The following SNAPIN variants were observed in gnomAD, a reference collection of about 807,000 sequenced individuals.
SNAPIN encodes the protein SNAP associated protein.
Under a neutral mutation model 15.9 loss-of-function variants are expected in SNAPIN, and 16 were observed. That is an observed-to-expected ratio of 1.01 (90% CI 0.68 to 1.53). The LOEUF (loss-of-function observed/expected upper bound fraction) is 1.53, where lower values mean the gene tolerates loss of function less well. Ranked by LOEUF, SNAPIN falls within the 40% of genes most tolerant of loss-of-function variation. The pLI is 0.00. For synonymous variants in SNAPIN, 83 were observed against 76.2 expected, an observed-to-expected ratio of 1.09 and a Z score of -0.46; for missense variants, 186 against 180.1, an observed-to-expected ratio of 1.03 and a Z score of -0.19.
At chr1:153,659,795 G>A (rs1185273346) in intron 3 of SNAPIN, among the ~76,000 whole-genome samples, 2 of 151,890 alleles carry the variant, frequency 1.3e-5, no homozygotes, top group Non-Finnish European at 1.5e-5. Context: ...GCTGGAGTGC[G>A]GTGGCTCAAT....
chr1:153,660,786 A>ATTT (rs34770483), intron 3 of SNAPIN, among the ~76,000 whole-genome samples: 2 of 137,568 alleles, frequency 1.5e-5, no homozygotes, highest in Admixed American at 7.4e-5. Flanking sequence ...CCTGGCCTAC[A>ATTT]TTTTTTTTTT....
In SNAPIN at chr1:153,658,709, C is replaced by G; in HGVS notation, c.-35C>G. ...GGCGCGGCTCCGGTTCCCGGCGGCC[C>G]TCGCGGCAGGTTTCGGGCTTCAGGA... On this transcript the variant is annotated 5_prime_UTR_variant, in exon 1 of 4. Transcript: ENST00000368685. The G allele has an allele frequency of 6.7e-7, 1 of 1,494,746 alleles. No individual in the cohort carries two copies. The highest frequency in any genetic ancestry group is 1.4e-5 in the South Asian group (1 of 71,680). The allele number at this position is 1,494,746 out of a possible 1,614,324, so 92.6% of individuals were successfully genotyped here. A position where few individuals can be genotyped will look rare whatever the true frequency, so the allele number is the denominator to read the frequency against.
At chr1:153,658,672 G>A, upstream of SNAPIN, 5 of 1,446,010 alleles carry the variant, frequency 3.5e-6, no homozygotes, top group Non-Finnish European at 3.6e-6. Flanking sequence ...CCCTCACGGG[G>A]CGGGGCAGTG....
rs199744956 is a variant in SNAPIN, at chr1:153,661,323, T to C, written c.*22T>C. 67 of 1,557,750 alleles carry C rather than the reference T, an allele frequency of 4.3e-5. No homozygotes were observed. The East Asian group carries it at 1.5e-3, about 34-fold the overall frequency. ...ATAACAGATGAGCCTATGGACTCAG[T>C]AGCACAAGTACTGTTCCCCAGCTGC... On this transcript the variant is annotated 3_prime_UTR_variant, in exon 4 of 4. Transcript: ENST00000368685.
chr1:153,659,827 C>A (rs764396492), intron 3 of SNAPIN, among the ~76,000 whole-genome samples: 1 of 152,022 alleles, frequency 6.6e-6, no homozygotes, highest in African/African-American at 2.4e-5. Flanking sequence ...GCAACCTCCG[C>A]CCCCTGGGCT....
At chr1:153,660,160 C>T (rs1159964365) in intron 3 of SNAPIN, among the ~76,000 whole-genome samples, 1 of 151,976 alleles carries the variant, frequency 6.6e-6, no homozygotes, top group African/African-American at 2.4e-5. Context: ...GTAGCTGGGA[C>T]TACAGGCATG....
Position 153,661,280 on chromosome 1 carries a change from C to T in SNAPIN, c.390C>T (p.Pro130=), listed in dbSNP as rs1310150311. 4 of 1,613,276 alleles carry T rather than the reference C, an allele frequency of 2.5e-6. No individual in the cohort carries two copies. The African/African-American group carries it at 4.0e-5, about 16-fold the overall frequency. The change falls in exon 4 of 4, where the codon CCC becomes CCT. Residue 130 remains proline, a synonymous_variant. Coordinates refer to ENST00000368685, the MANE Select transcript of SNAPIN (RefSeq NM_012437.6). Reference sequence around the variant, plus strand: ...CAATGCTGGATTCGGGAATTTACCCCCCTGGCTCCCCAGGCAAATAACAGA... The same window carrying T: ...CAATGCTGGATTCGGGAATTTACCCTCCTGGCTCCCCAGGCAAATAACAGA... The part of the protein sequence containing the change: ...RRAMLDSGIY[P]PGSPGK
intron 2 of SNAPIN, 68 bp from the exon 3 acceptor site, chr1:153,659,380 C>G (rs1209496956): frequency 3.6e-6 from 5 of 1,381,862 alleles, no homozygotes; most frequent in Non-Finnish European, 5.2e-6. Context: ...ATCCCATTAC[C>G]AGCCTGCTTT....
intron 1 of SNAPIN, 24 bp downstream of exon 1, chr1:153,658,910 C>G (rs1181192669): frequency 9.9e-6 from 16 of 1,608,222 alleles, no homozygotes; most frequent in Non-Finnish European, 1.4e-5. Flanking sequence ...AAGTTGGGGG[C>G]GGGGCCTGTC....
chr1:153,658,935 G>T lies in SNAPIN; in HGVS notation c.143+49G>T, dbSNP rs567720527. 12 of 1,601,566 alleles carry T rather than the reference G, an allele frequency of 7.5e-6. No homozygotes were observed. The African/African-American group carries it at 1.2e-4, about 16-fold the overall frequency. ...CGGGGCCTGTCTCTCTGGCTTTGTA[G>T]GGGCGGGGCCAAGAAAGTGTTCTGG... On this transcript the variant is annotated intron_variant, in intron 1 of 3. Transcript: ENST00000368685.
At chr1:153,659,602 CT>C (rs750708125) in intron 3 of SNAPIN, 36 bp downstream of exon 3, 7 of 1,479,306 alleles carry the variant, frequency 4.7e-6, no homozygotes, top group Non-Finnish European at 9.5e-7. Context: ...ATTCTTTGCC[CT>C]TTTTTGTAAG....
intron 3 of SNAPIN, among the ~76,000 whole-genome samples, chr1:153,660,223 A>G (rs1330681133): frequency 6.6e-6 from 1 of 151,520 alleles, no homozygotes; most frequent in Non-Finnish European, 1.5e-5. Context: ...GGGTTTCACC[A>G]TGTTACCCAG....
chr1:153,661,194 T>C lies in SNAPIN; in HGVS notation c.310-6T>C, dbSNP rs763677677. The stretch of plus-strand genomic sequence containing the variant: ...GTTAAGATTCCAAACCTTCCTTGTC[T>C]TGTAGGAACGACTGAGACGGCTAAA... On this transcript the variant is annotated splice_region_variant and splice_polypyrimidine_tract_variant and intron_variant, in intron 3 of 3. Transcript: ENST00000368685. 3 of 1,612,702 alleles carry C rather than the reference T, an allele frequency of 1.9e-6. 1 individual carries two copies. The South Asian group carries it at 3.3e-5, about 18-fold the overall frequency.
In SNAPIN at chr1:153,661,549, T is replaced by C. The variant is rs1669164079; in HGVS notation, c.*248T>C. The C allele has an allele frequency of 3.1e-6, 1 of 322,622 alleles. No individual in the cohort carries two copies. The highest frequency in any genetic ancestry group is 2.1e-5 in the African/African-American group (1 of 47,844). The allele number at this position is 322,622 out of a possible 1,614,324, so 20.0% of individuals were successfully genotyped here. A position where few individuals can be genotyped will look rare whatever the true frequency, so the allele number is the denominator to read the frequency against. ...CTCTTGCTTCCTTTCACAAATGAGC[T>C]GAGGCCTCTACTTTTTTTTTTAAGC... On this transcript the variant is annotated 3_prime_UTR_variant, in exon 4 of 4. Coordinates refer to ENST00000368685, the MANE Select transcript of SNAPIN (RefSeq NM_012437.6).
intron 2 of SNAPIN, 68 bp downstream of exon 2, chr1:153,659,252 C>G: frequency 6.5e-7 from 1 of 1,539,826 alleles, no homozygotes; most frequent in Non-Finnish European, 9.0e-7. Context: ...TTTTGCCAAC[C>G]CCTGGGCTGA....
Position 153,658,825 on chromosome 1 carries a change from G to C in SNAPIN, c.82G>C (p.Gly28Arg). The part of the protein sequence containing the change: ...GPTGRDLFAE[G>R]LLEFLRPAVQ... ...CACAGGCCGCGACCTTTTCGCCGAA[G>C]GGCTGCTGGAGTTCCTGCGACCCGC... The change falls in exon 1 of 4, where the codon GGG (glycine) becomes CGG (arginine). Residue 28 changes from glycine (G) to arginine (R), a missense_variant. Physicochemically the swap from Gly to Arg is moderately radical, Grantham distance 125. Coordinates refer to ENST00000368685, the MANE Select transcript of SNAPIN (RefSeq NM_012437.6). The C allele has an allele frequency of 1.9e-6, 3 of 1,597,624 alleles. No individual in the cohort carries two copies. The highest frequency in any genetic ancestry group is 2.2e-5 in the East Asian group (1 of 44,454).
rs141352528 is a variant in SNAPIN at position 153,661,717 on chromosome 1, G to T, written c.*416G>T. The T allele has an allele frequency of 6.2e-6, 1 of 161,092 alleles. No homozygotes were observed. Among genetic ancestry groups the T allele is most frequent in the African/African-American group, 2.4e-5 (1 of 41,570 alleles). 10.0% of individuals were successfully genotyped at this position (161,092 alleles called of 1,614,324 possible). ...TCCTGTTTACACTGGGGATTTGGAG[G>T]GGGCAGGCAAAGTCAAAGTGAATGA... On this transcript the variant is annotated 3_prime_UTR_variant, in exon 4 of 4. Coordinates refer to ENST00000368685, the MANE Select transcript of SNAPIN (RefSeq NM_012437.6).
chr1:153,659,053 C>A (rs1413554739), intron 1 of SNAPIN, 85 bp from the exon 2 acceptor site: 2 of 1,567,500 alleles, frequency 1.3e-6, no homozygotes, highest in Non-Finnish European at 1.8e-6. Context: ...GCCGGCTTCT[C>A]TCAGTACTTG....
intron 3 of SNAPIN, 22 bp downstream of exon 3, chr1:153,659,588 A>G: frequency 6.5e-7 from 1 of 1,539,782 alleles, no homozygotes; most frequent in Non-Finnish European, 9.0e-7. Flanking sequence ...TCTTACCAAC[A>G]GTGATTCTTT....
Sources: gnomAD v4.1 joint callset for allele counts (sites outside exome capture counted in the v4.1 genomes callset) on GRCh38, gnomAD v4.1.1 for gene constraint, MANE v1.5 for transcripts, NCBI Gene and HGNC (gene_info 2026-07-23, HGNC 2026-07-21) for gene names.